Variants in STK4 observed in about 807,000 individuals in gnomAD.
The protein encoded by STK4 is serine/threonine kinase 4.
A neutral mutation model predicts 64.9 loss-of-function variants in STK4; 30 were observed. That is an observed-to-expected ratio of 0.46 (90% CI 0.35 to 0.63). STK4 has a LOEUF of 0.63. Ranked by LOEUF, STK4 falls within the 20% of genes least tolerant of loss-of-function variation. The pLI is 0.01. For synonymous variants in STK4, 177 were observed against 199.0 expected (o/e 0.89, Z 0.93); for missense variants, 466 against 598.5 (o/e 0.78, Z 2.31).
At chr20:44,974,318 A>G (rs1389078810) in intron 2 of STK4, 2 of 152,178 alleles carry the variant, frequency 1.3e-5, no homozygotes, top group Non-Finnish European at 2.9e-5. Flanking sequence ...TTCTTCCCAT[A>G]CTATCACCTT....
At chr20:45,044,447 G>T (rs1319320805) in intron 10 of STK4, among the ~76,000 whole-genome samples, 6 of 152,050 alleles carry the variant, frequency 3.9e-5, no homozygotes, top group Non-Finnish European at 8.8e-5. Context: ...GGAGTTCAAG[G>T]CCAGTCTGGG....
chr20:44,978,829 C>T (rs1260360904), intron 3 of STK4, among the ~76,000 whole-genome samples: 3 of 143,574 alleles, frequency 2.1e-5, no homozygotes, highest in African/African-American at 5.2e-5. Context: ...GACAAAGTCT[C>T]GCTCTGTCGC....
intron 10 of STK4, among the ~76,000 whole-genome samples, chr20:45,066,420 G>A (rs543294613): frequency 2.0e-4 from 30 of 152,240 alleles, no homozygotes; most frequent in Admixed American, 1.5e-3. Flanking sequence ...ATACATACAC[G>A]TGTGTACACG....
At chr20:45,063,655 G>A (rs931243784) in intron 10 of STK4, among the ~76,000 whole-genome samples, 1 of 152,126 alleles carries the variant, frequency 6.6e-6, no homozygotes, top group Admixed American at 6.5e-5. Flanking sequence ...TCTTCGTCAT[G>A]AAATCTTTGC....
At chr20:45,070,648 G>A (rs997075151) in intron 10 of STK4, among the ~76,000 whole-genome samples, 2 of 152,130 alleles carry the variant, frequency 1.3e-5, no homozygotes, top group Non-Finnish European at 2.9e-5. Flanking sequence ...CACTTTGGGA[G>A]GCCAAGGTGG....
intron 9 of STK4, among the ~76,000 whole-genome samples, chr20:45,015,616 C>G (rs2068127322): frequency 6.6e-6 from 1 of 152,182 alleles, no homozygotes; most frequent in Non-Finnish European, 1.5e-5. Flanking sequence ...GGAACCCTAT[C>G]TCTGAGTAAG....
At chr20:45,027,121 T>A (rs900312988) in intron 10 of STK4, among the ~76,000 whole-genome samples, 1 of 152,164 alleles carries the variant, frequency 6.6e-6, no homozygotes, top group African/African-American at 2.4e-5. Context: ...TCCTTGTTTT[T>A]AAATGTTTTA....
chr20:45,035,014 A>C lies in STK4; in HGVS notation c.1305+9884A>C, dbSNP rs554388588. Among the ~76,000 whole-genome samples the C allele has an allele frequency of 1.4e-4, 22 of 152,200 alleles. No homozygotes were observed. The South Asian group carries it at 4.3e-3, about 30-fold the overall frequency. ...TGTGTGTGTATATATAATATAGATA[A>C]ATTTTTAAAAATATATACACCTTTG... On this transcript the variant is annotated intron_variant, in intron 10 of 10. Coordinates refer to ENST00000372806, the MANE Select transcript of STK4 (RefSeq NM_006282.5).
chr20:44,983,089 G>A (rs1287796540), intron 4 of STK4, among the ~76,000 whole-genome samples: 1 of 152,150 alleles, frequency 6.6e-6, no homozygotes, highest in African/African-American at 2.4e-5. Context: ...CTTGAGGCTG[G>A]AATGAGTTTG....
intron 9 of STK4, among the ~76,000 whole-genome samples, chr20:45,008,190 G>C (rs1310137717): frequency 6.6e-6 from 1 of 152,136 alleles, no homozygotes; most frequent in African/African-American, 2.4e-5. Context: ...GAGTAGCTGG[G>C]ATTACAGGCA....
intron 7 of STK4, among the ~76,000 whole-genome samples, chr20:44,998,042 G>C (rs1353628069): frequency 6.6e-6 from 1 of 152,138 alleles, no homozygotes; most frequent in East Asian, 1.9e-4. Flanking sequence ...TCCAAAGCAG[G>C]GGTACCATCA....
intron 10 of STK4, among the ~76,000 whole-genome samples, chr20:45,067,319 A>T (rs184025442): frequency 9.9e-5 from 15 of 152,278 alleles, no homozygotes; most frequent in African/African-American, 3.4e-4. Flanking sequence ...ACCAGAAGGG[A>T]TGATGTGTTT....
At chr20:45,072,844 C>T (rs1001621307) in intron 10 of STK4, among the ~76,000 whole-genome samples, 39 of 152,256 alleles carry the variant, frequency 2.6e-4, no homozygotes, top group African/African-American at 7.9e-4. Context: ...ATAAGAATAA[C>T]AATAGCAACA....
intron 9 of STK4, among the ~76,000 whole-genome samples, chr20:45,017,716 C>T (rs1247108293): frequency 6.6e-6 from 1 of 152,158 alleles, no homozygotes. Context: ...AAGATGTGGA[C>T]CATTCTCACC....
At chr20:45,066,143 CACACATTATATACATATGTATAT>C (rs1337463240) in intron 10 of STK4, among the ~76,000 whole-genome samples, 5 of 151,348 alleles carry the variant, frequency 3.3e-5, no homozygotes, top group Non-Finnish European at 7.4e-5. Flanking sequence ...TATATATATA[CACACATTATATACATATGTATAT>C]ACACATTATA....
At chr20:45,036,826 T>C (rs1437976923) in intron 10 of STK4, among the ~76,000 whole-genome samples, 1 of 152,190 alleles carries the variant, frequency 6.6e-6, no homozygotes, top group Non-Finnish European at 1.5e-5. Flanking sequence ...ATAGGGTTCG[T>C]TACCATCCAC....
rs1361899696 is a variant in STK4, at chr20:45,011,727, ATATTTTTTTTTT to A, written c.1147+10376_1147+10387del. On this transcript the variant is annotated intron_variant, in intron 9 of 10. Transcript: ENST00000372806. ...AACATACATATATATATATATATAT[ATATTTTTTTTTT>A]TTTTTTTAAGTCAAGTTGTTGGGAG... 2.4e-3 allele frequency among the ~76,000 whole-genome samples: 260 copies of A among 107,352 alleles called. 3 individuals are homozygous for A. The highest frequency in any genetic ancestry group is 9.4e-3 in the African/African-American group (248 of 26,406). 70.4% of individuals were successfully genotyped at this position (107,352 alleles called of 152,430 possible).
chr20:45,047,543 A>C (rs2068715863), intron 10 of STK4, among the ~76,000 whole-genome samples: 1 of 152,120 alleles, frequency 6.6e-6, no homozygotes, highest in Non-Finnish European at 1.5e-5. Flanking sequence ...AATCTTTTTA[A>C]ATTTCTTCAG....
intron 10 of STK4, among the ~76,000 whole-genome samples, chr20:45,040,400 A>G (rs1401074870): frequency 1.3e-5 from 2 of 152,186 alleles, no homozygotes; most frequent in East Asian, 3.9e-4. Flanking sequence ...TTTTTGTATC[A>G]TAAATTCGTG....
Sources: gnomAD v4.1 joint callset for allele counts (sites outside exome capture counted in the v4.1 genomes callset) on GRCh38, gnomAD v4.1.1 for gene constraint, MANE v1.5 for transcripts, NCBI Gene and HGNC (gene_info 2026-07-23, HGNC 2026-07-21) for gene names.